SH3RF2: variants seen among roughly 807,000 people sequenced by gnomAD.
SH3RF2 encodes E3 ubiquitin-protein ligase SH3RF2.
In SH3RF2, 43 loss-of-function variants were observed where a neutral mutation model predicts 59.0. The ratio of observed to expected loss-of-function variants is 0.73; its 90% confidence interval spans 0.57 to 0.94. The LOEUF is 0.94. Ranked by LOEUF, SH3RF2 falls within the 40% of genes least tolerant of loss-of-function variation. The pLI, the probability that SH3RF2 is intolerant of heterozygous loss-of-function variation, is 0.00. For missense variants in SH3RF2, 930 were observed against 940.1 expected (o/e 0.99, Z 0.14); for synonymous variants, 391 against 391.5 (o/e 1.00, Z 0.01).
At chr5:146,057,928 GTCTC>G (rs58826823) in intron 8 of SH3RF2, among the ~76,000 whole-genome samples, 3,970 of 133,130 alleles carry the variant, frequency 0.03, 75 homozygotes, top group East Asian at 0.12. Flanking sequence ...GGCTGTTAGT[GTCTC>G]TCTCTCTCTC....
rs536765697 is a variant in SH3RF2, at chr5:145,965,951, T to C, written c.378+27645T>C. On this transcript the variant is annotated intron_variant, in intron 2 of 9. Coordinates refer to ENST00000359120, the MANE Select transcript of SH3RF2 (RefSeq NM_152550.4). ...TCCCTAAAAGAGTGAAGGATGAGTC[T>C]GAACGAGCCAACCAAAGAGTTGGGC... is the stretch of plus-strand genomic sequence containing the variant. Among the ~76,000 whole-genome samples, 7 of 152,298 alleles carry C rather than the reference T, an allele frequency of 4.6e-5. No individual in the cohort carries two copies. The East Asian group carries it at 1.4e-3, about 29-fold the overall frequency.
rs761968891 is a variant in SH3RF2 at position 145,938,120 on chromosome 5, G to A, written c.192G>A (p.Pro64=). Residue 64 remains proline (P), a synonymous_variant, in exon 2 of 10, where the codon CCG becomes CCA. Transcript: ENST00000359120. ...TGTTTTCCAACATTGAGGCGCTGCC[G>A]GCCAACCTGCTGCTCGTGCGCCTTC... ...TPVFSNIEAL[P]ANLLLVRLLD... 2.5e-6 allele frequency: 4 copies of A among 1,614,202 alleles called. No homozygotes were observed. The East Asian group carries it at 6.7e-5, about 27-fold the overall frequency.
At chr5:146,064,763 G>GAAGGA (rs1561773592), downstream of SH3RF2, among the ~76,000 whole-genome samples, 197 of 11,704 alleles carry the variant, frequency 0.017, 10 homozygotes, top group Middle Eastern at 0.077. Context: ...AGGAAGGAAG[G>GAAGGA]AAGGAAGGAA....
chr5:145,963,243 AAT>A (rs1758704540), intron 2 of SH3RF2, among the ~76,000 whole-genome samples: 1 of 147,928 alleles, frequency 6.8e-6, no homozygotes. Context: ...ATACTGGATG[AAT>A]GGATGGATGG....
At chr5:146,029,974 G>A (rs77337678) in intron 5 of SH3RF2, among the ~76,000 whole-genome samples, 2,223 of 152,192 alleles carry the variant, frequency 0.015, 55 homozygotes, top group African/African-American at 0.05. Context: ...AACTAAATGC[G>A]AAATAAAAAC....
chr5:146,030,574 G>A (rs575142483), intron 5 of SH3RF2, among the ~76,000 whole-genome samples: 2 of 152,250 alleles, frequency 1.3e-5, no homozygotes, highest in South Asian at 2.1e-4. Context: ...CAGGTCACTA[G>A]GAGGACTAAC....
At chr5:145,943,142 G>T (rs1233550307) in intron 2 of SH3RF2, among the ~76,000 whole-genome samples, 1 of 151,580 alleles carries the variant, frequency 6.6e-6, no homozygotes, top group East Asian at 1.9e-4. Flanking sequence ...GTTAGCAACA[G>T]TAAATAACAA....
At chr5:146,023,582 T>C (rs1439853366) in intron 5 of SH3RF2, among the ~76,000 whole-genome samples, 3 of 152,340 alleles carry the variant, frequency 2.0e-5, no homozygotes, top group East Asian at 3.9e-4. Context: ...TCAAGAATAC[T>C]TCATAGGCAG....
At chr5:146,057,928 G>GTCTCTCTCTCTC (rs58826823) in intron 8 of SH3RF2, among the ~76,000 whole-genome samples, 154 of 133,206 alleles carry the variant, frequency 1.2e-3, no homozygotes, top group African/African-American at 3.2e-3. Flanking sequence ...GGCTGTTAGT[G>GTCTCTCTCTCTC]TCTCTCTCTC....
chr5:146,065,707 C>A (rs942951704), downstream of SH3RF2, among the ~76,000 whole-genome samples: 1 of 152,230 alleles, frequency 6.6e-6, no homozygotes, highest in South Asian at 2.1e-4. Context: ...CAAAGAAAAT[C>A]CCATCTTTGT....
chr5:146,013,802 GC>G lies in SH3RF2; in HGVS notation c.801del (p.Thr268GlnfsTer38). ...LEKNKGRQSS[R>X]TKNLSLVSSS... ...AAGAACAAAGGTCGCCAGTCATCCC[GC>G]ACAAAAAACCTGTCCCTGGTGTCCT... On this transcript the variant is annotated frameshift_variant, in exon 5 of 10. Coordinates refer to ENST00000359120, the MANE Select transcript of SH3RF2 (RefSeq NM_152550.4). LOFTEE classifies it high-confidence loss of function. The G allele has an allele frequency of 6.8e-6, 11 of 1,614,044 alleles. No individual in the cohort carries two copies. Among genetic ancestry groups the G allele is most frequent in the Non-Finnish European group, 9.3e-6 (11 of 1,179,982 alleles).
chr5:145,975,763 C>T (rs1759267904), intron 2 of SH3RF2, among the ~76,000 whole-genome samples: 1 of 152,242 alleles, frequency 6.6e-6, no homozygotes, highest in Non-Finnish European at 1.5e-5. Context: ...GATGTTGAAT[C>T]ATTCCCCTAC....
At chr5:145,985,556 A>G (rs1759667012) in intron 2 of SH3RF2, among the ~76,000 whole-genome samples, 1 of 152,132 alleles carries the variant, frequency 6.6e-6, no homozygotes, top group South Asian at 2.1e-4. Flanking sequence ...AGAATAATCA[A>G]CTCTATAGAA....
chr5:145,937,965 C>T lies in SH3RF2; in HGVS notation c.37C>T (p.Pro13Ser), dbSNP rs548300425. 22 of 1,614,152 alleles carry T rather than the reference C, an allele frequency of 1.4e-5. No homozygotes were observed. In the East Asian group the frequency reaches 4.5e-4, roughly 33 times the overall value. ...DLTLLDLLEC[P>S]VCFEKLDVTA... ...GACGTTACTTGATCTTCTGGAGTGC[C>T]CTGTGTGCTTTGAGAAGCTCGATGT... is the stretch of plus-strand genomic sequence containing the variant. Residue 13 changes from proline (P) to serine (S), a missense_variant, in exon 2 of 10, where the codon CCT becomes TCT. Pro to Ser is a moderately conservative substitution (Grantham distance 74, BLOSUM62 -1). Coordinates refer to ENST00000359120, the MANE Select transcript of SH3RF2 (RefSeq NM_152550.4).
rs73793814 is a variant in SH3RF2, at chr5:146,038,623, T to C, written c.1060-9149T>C. Reference sequence around the variant, plus strand: ...AAATATAACAAGACATGCAAGACCTTTATTGAGAAAATTTATAAAACATCA... The same window carrying C: ...AAATATAACAAGACATGCAAGACCTCTATTGAGAAAATTTATAAAACATCA... On this transcript the variant is annotated intron_variant, in intron 5 of 9. Transcript: ENST00000359120. 9.0e-4 allele frequency among the ~76,000 whole-genome samples: 137 copies of C among 152,300 alleles called. 1 individual carries two copies. Among genetic ancestry groups the C allele is most frequent in the African/African-American group, 3.0e-3 (126 of 41,560 alleles).
intron 5 of SH3RF2, among the ~76,000 whole-genome samples, chr5:146,035,868 C>A (rs1761919060): frequency 6.6e-6 from 1 of 152,126 alleles, no homozygotes; most frequent in African/African-American, 2.4e-5. Flanking sequence ...AGGTTTGAGG[C>A]ACAGTCTCCA....
At chr5:145,978,117 T>C (rs1759364211) in intron 2 of SH3RF2, among the ~76,000 whole-genome samples, 1 of 152,212 alleles carries the variant, frequency 6.6e-6, no homozygotes, top group South Asian at 2.1e-4. Flanking sequence ...TAAGATTTGG[T>C]TCCTACTCTC....
intron 2 of SH3RF2, among the ~76,000 whole-genome samples, chr5:145,970,278 A>G (rs1321997565): frequency 6.6e-6 from 1 of 151,104 alleles, no homozygotes; most frequent in Non-Finnish European, 1.5e-5. Flanking sequence ...TCCCCCTGCC[A>G]CCCTTCCCCC....
intron 4 of SH3RF2, among the ~76,000 whole-genome samples, chr5:146,010,185 A>G (rs1484972558): frequency 6.6e-6 from 1 of 152,172 alleles, no homozygotes; most frequent in Non-Finnish European, 1.5e-5. Flanking sequence ...AGCTTCATCC[A>G]TGTCCCTACA....
Sources: gnomAD v4.1 joint callset for allele counts (sites outside exome capture counted in the v4.1 genomes callset) on GRCh38, gnomAD v4.1.1 for gene constraint, MANE v1.5 for transcripts, NCBI Gene and HGNC (gene_info 2026-07-23, HGNC 2026-07-21) for gene names.